The following CTNNBL1 variants were observed in gnomAD, a reference collection of about 807,000 sequenced individuals.
CTNNBL1 encodes the protein beta-catenin-like protein 1.
CTNNBL1 carries 31 observed loss-of-function variants against 72.7 expected under a neutral mutation model. That is an observed-to-expected ratio of 0.43 (90% CI 0.32 to 0.58). The LOEUF (loss-of-function observed/expected upper bound fraction) is 0.58, where lower values mean the gene tolerates loss of function less well. Ranked by LOEUF, CTNNBL1 falls within the 20% of genes least tolerant of loss-of-function variation. CTNNBL1 has a pLI of 0.08. For missense variants in CTNNBL1, 534 were observed against 725.1 expected, an observed-to-expected ratio of 0.74 and a Z score of 3.03; for synonymous variants, 240 against 267.3, an observed-to-expected ratio of 0.90 and a Z score of 1.00.
rs1325949707 is a variant in CTNNBL1 at position 37,859,852 on chromosome 20, C to T, written c.1393-47C>T. 2.3e-5 allele frequency: 37 copies of T among 1,601,520 alleles called. No individual in the cohort carries two copies. The Admixed American group carries it at 6.2e-4, about 27-fold the overall frequency. ...CCAGACTAGGAGTCCATTCTTTCCT[C>T]CCATTCACTGTCCAGCTTTTATTCC... On this transcript the variant is annotated intron_variant, in intron 13 of 15. Transcript: ENST00000361383.
chr20:37,801,254 T>A (rs568325863), intron 10 of CTNNBL1, among the ~76,000 whole-genome samples: 1 of 152,166 alleles, frequency 6.6e-6, no homozygotes, highest in South Asian at 2.1e-4. Context: ...CTCCCCAGAT[T>A]TAGCTTTTTT....
At chr20:37,713,265 A>AATC (rs1568747053) in intron 1 of CTNNBL1, among the ~76,000 whole-genome samples, 2 of 152,192 alleles carry the variant, frequency 1.3e-5, no homozygotes, top group African/African-American at 2.4e-5. Context: ...GAAGACTGCA[A>AATC]ATCACTTCCC....
chr20:37,864,746 C>G (rs912424671), intron 15 of CTNNBL1, among the ~76,000 whole-genome samples: 2 of 152,220 alleles, frequency 1.3e-5, no homozygotes, highest in Non-Finnish European at 2.9e-5. Context: ...CCATTTATTT[C>G]TGTGGTGCTC....
At chr20:37,855,588 T>C (rs1279978019) in intron 13 of CTNNBL1, among the ~76,000 whole-genome samples, 1 of 152,158 alleles carries the variant, frequency 6.6e-6, no homozygotes, top group African/African-American at 2.4e-5. Flanking sequence ...TCCAGGGGCC[T>C]CTTCTCTTCC....
chr20:37,741,980 C>T (rs762572169), intron 3 of CTNNBL1, among the ~76,000 whole-genome samples: 39 of 151,902 alleles, frequency 2.6e-4, no homozygotes, highest in Non-Finnish European at 5.2e-4. Context: ...CCATCTAACT[C>T]TTGGTATTTT....
At chr20:37,860,377 A>C in intron 15 of CTNNBL1, 33 bp downstream of exon 15, 2 of 1,512,418 alleles carry the variant, frequency 1.3e-6, no homozygotes, top group South Asian at 2.2e-5. Context: ...CTGGGGCTCC[A>C]GAGGATTAGA....
chr20:37,768,073 C>T, intron 7 of CTNNBL1, 29 bp downstream of exon 7: 2 of 1,559,234 alleles, frequency 1.3e-6, no homozygotes, highest in Non-Finnish European at 1.8e-6. Context: ...AACTGCAGCT[C>T]ACACCTGTCT....
Position 37,840,147 on chromosome 20 carries a change from G to C in CTNNBL1, c.1259G>C (p.Gly420Ala), listed in dbSNP as rs1175895904. Residue 420 changes from glycine (G) to alanine (A), a missense_variant, in exon 12 of 16, where the codon GGG (glycine) becomes GCG (alanine). Physicochemically the swap from Gly to Ala is moderately conservative, Grantham distance 60. Transcript: ENST00000361383. ...GCTTCCCTCCTGCGGAACCTGAGAG[G>C]GCAGCAGCGGACCCGGCTTCTGAAT... The part of the protein sequence containing the change: ...ILASLLRNLR[G>A]QQRTRLLNKF... The C allele has an allele frequency of 6.2e-7, 1 of 1,613,956 alleles. No individual in the cohort carries two copies. Among genetic ancestry groups the C allele is most frequent in the Admixed American group, 1.7e-5 (1 of 60,004 alleles).
intron 1 of CTNNBL1, among the ~76,000 whole-genome samples, chr20:37,719,991 C>A (rs193230949): frequency 1.4e-5 from 2 of 148,054 alleles, no homozygotes; most frequent in East Asian, 3.9e-4. Context: ...CAGGCATGTG[C>A]GTGTATCACT....
In CTNNBL1 at chr20:37,826,716, T is replaced by G. The variant is rs184774330; in HGVS notation, c.1214-13386T>G. Among the ~76,000 whole-genome samples, 156 of 152,332 alleles carry G rather than the reference T, an allele frequency of 1.0e-3. 2 individuals are homozygous for G. Among genetic ancestry groups the G allele is most frequent in the African/African-American group, 3.5e-3 (146 of 41,570 alleles). On this transcript the variant is annotated intron_variant, in intron 11 of 15. Transcript: ENST00000361383. ...ACCCAGATTCTACAATTAACATTTT[T>G]CTGTATTTCCCTCACCACATGTTTA...
intron 13 of CTNNBL1, among the ~76,000 whole-genome samples, chr20:37,852,416 A>G (rs1359240039): frequency 1.3e-5 from 2 of 152,162 alleles, no homozygotes; most frequent in Admixed American, 1.3e-4. Flanking sequence ...AGATGAATTT[A>G]TTGATGAAAG....
intron 1 of CTNNBL1, among the ~76,000 whole-genome samples, chr20:37,713,329 G>A (rs2072955382): frequency 6.6e-6 from 1 of 152,114 alleles, no homozygotes; most frequent in African/African-American, 2.4e-5. Flanking sequence ...GTTTAAATTG[G>A]TAATTTTTTC....
chr20:37,740,942 T>C (rs2122613141), intron 3 of CTNNBL1, among the ~76,000 whole-genome samples: 1 of 152,360 alleles, frequency 6.6e-6, no homozygotes, highest in African/African-American at 2.4e-5. Context: ...GGGAGCATCA[T>C]GTTCCCCCAG....
chr20:37,834,287 A>G (rs2072236820), intron 11 of CTNNBL1, among the ~76,000 whole-genome samples: 2 of 151,296 alleles, frequency 1.3e-5, no homozygotes, highest in Admixed American at 6.6e-5. Context: ...ACTCTTTCTC[A>G]TCCATCTTAA....
intron 1 of CTNNBL1, among the ~76,000 whole-genome samples, chr20:37,707,577 G>T (rs2072897842): frequency 6.6e-6 from 1 of 152,220 alleles, no homozygotes; most frequent in African/African-American, 2.4e-5. Flanking sequence ...TGGCTCAAGA[G>T]AATGTTGTGA....
intron 11 of CTNNBL1, 64 bp from the exon 12 acceptor site, chr20:37,840,038 T>C (rs2072289353): frequency 4.1e-6 from 5 of 1,211,460 alleles, no homozygotes; most frequent in Non-Finnish European, 6.1e-6. Flanking sequence ...CAGACGAGGC[T>C]TGAAGAGAGG....
intron 4 of CTNNBL1, among the ~76,000 whole-genome samples, chr20:37,755,136 T>C (rs1476441863): frequency 6.6e-6 from 1 of 152,208 alleles, no homozygotes; most frequent in African/African-American, 2.4e-5. Context: ...TTTACCTTTC[T>C]TATCTGTTAA....
chr20:37,717,610 C>CTTTTTTT (rs199726420), intron 1 of CTNNBL1, among the ~76,000 whole-genome samples: 9 of 146,156 alleles, frequency 6.2e-5, no homozygotes, highest in African/African-American at 7.7e-5. Context: ...TTTCTTTTTT[C>CTTTTTTT]TTTTCTTTTT....
chr20:37,704,317 TG>T (rs1283711865), intron 1 of CTNNBL1, among the ~76,000 whole-genome samples: 8 of 152,220 alleles, frequency 5.3e-5, no homozygotes, highest in African/African-American at 1.9e-4. Flanking sequence ...GCTCTACTGC[TG>T]GGAAGTTGGA....
Sources: allele counts gnomAD v4.1 joint callset (sites outside exome capture counted in the v4.1 genomes callset), GRCh38; gene constraint gnomAD v4.1.1; transcripts MANE v1.5; gene names NCBI Gene and HGNC (gene_info 2026-07-23, HGNC 2026-07-21).